The following VIRMA variants were observed in gnomAD, a reference collection of about 807,000 sequenced individuals.
VIRMA encodes protein virilizer homolog.
A neutral mutation model predicts 182.4 loss-of-function variants in VIRMA; 65 were observed. The ratio of observed to expected loss-of-function variants is 0.36; its 90% CI spans 0.29 to 0.44. The LOEUF is 0.44. VIRMA is among the 20% of genes least tolerant of loss of function. VIRMA has a pLI of 1.00. For missense variants in VIRMA, 1,752 were observed against 2,158.1 expected (o/e 0.81, Z 3.73); for synonymous variants, 709 against 743.1 (o/e 0.95, Z 0.75).
chr8:94,522,410 C>T (rs1173355229), intron 8 of VIRMA, among the ~76,000 whole-genome samples: 3 of 152,118 alleles, frequency 2.0e-5, no homozygotes, highest in Non-Finnish European at 4.4e-5. Flanking sequence ...GTATTATATG[C>T]TGAGTTTTGT....
chr8:94,525,869 T>C (rs897073451), intron 8 of VIRMA, among the ~76,000 whole-genome samples: 1 of 152,182 alleles, frequency 6.6e-6, no homozygotes, highest in South Asian at 2.1e-4. Context: ...TAAGTACAGA[T>C]GGGTTCACAC....
chr8:94,504,919 A>G (rs1814103904), intron 16 of VIRMA, among the ~76,000 whole-genome samples: 1 of 152,236 alleles, frequency 6.6e-6, no homozygotes, highest in African/African-American at 2.4e-5. Flanking sequence ...AAAAAGGACC[A>G]GAAACATTAA....
intron 16 of VIRMA, among the ~76,000 whole-genome samples, chr8:94,503,234 G>A (rs1814053452): frequency 6.6e-6 from 1 of 152,198 alleles, no homozygotes; most frequent in African/African-American, 2.4e-5. Flanking sequence ...ATATCTCAAA[G>A]TATAGTCTCC....
intron 8 of VIRMA, among the ~76,000 whole-genome samples, chr8:94,524,929 A>T (rs1207391868): frequency 6.6e-6 from 1 of 152,022 alleles, no homozygotes; most frequent in Non-Finnish European, 1.5e-5. Flanking sequence ...CCTGCTTCTC[A>T]TTTTGTCTTT....
At chr8:94,524,093 G>A (rs1326009272) in intron 8 of VIRMA, among the ~76,000 whole-genome samples, 5 of 152,028 alleles carry the variant, frequency 3.3e-5, no homozygotes, top group East Asian at 3.9e-4. Flanking sequence ...TCTGCCTCCC[G>A]GGTTCAAGCA....
chr8:94,515,746 T>C (rs559886339), intron 10 of VIRMA, among the ~76,000 whole-genome samples: 2 of 152,286 alleles, frequency 1.3e-5, no homozygotes, highest in African/African-American at 4.8e-5. Flanking sequence ...GATGTTTACA[T>C]GCTTAAATAG....
rs1011186173 is a variant in VIRMA, at chr8:94,519,414, C to T, written c.2084G>A (p.Ser695Asn). 1 of 1,534,412 alleles carries T rather than the reference C, an allele frequency of 6.5e-7. No individual in the cohort carries two copies. The highest frequency in any genetic ancestry group is 1.4e-5 in the African/African-American group (1 of 71,962). ...VTLLLSIPVT[S>N]AHPGVLQATK... ...GGCTTGCAGCACACCAGGGTGAGCA[C>T]TTGTTACTGGAATTGACAGAAGCAA... The change falls in exon 9 of 24, where the codon AGT (serine) becomes AAT (asparagine). Residue 695 changes from serine to asparagine, a missense_variant. Ser to Asn is a conservative substitution (Grantham distance 46, BLOSUM62 1). Around this residue, in one of 11 missense-constraint regions of VIRMA, gnomAD observed 401 missense variants for 455.1 expected, o/e 0.88. Transcript: ENST00000297591.
At chr8:94,535,612 G>A (rs191304121) in intron 4 of VIRMA, among the ~76,000 whole-genome samples, 6 of 152,128 alleles carry the variant, frequency 3.9e-5, no homozygotes, top group East Asian at 1.9e-4. Flanking sequence ...GTGAAACCTC[G>A]TCTCTACTAA....
At chr8:94,549,317 T>C (rs1033488698) in intron 1 of VIRMA, among the ~76,000 whole-genome samples, 3 of 152,260 alleles carry the variant, frequency 2.0e-5, no homozygotes, top group Non-Finnish European at 4.4e-5. Context: ...TTCTCTACCA[T>C]ATTACAAATT....
intron 1 of VIRMA, among the ~76,000 whole-genome samples, chr8:94,549,100 CG>C (rs936267144): frequency 3.9e-4 from 60 of 152,304 alleles, no homozygotes; most frequent in African/African-American, 1.1e-3. Flanking sequence ...TTTTCATTCA[CG>C]GGAACACTAT....
At chr8:94,530,391 G>A (rs1258809331) in intron 6 of VIRMA, among the ~76,000 whole-genome samples, 4 of 151,746 alleles carry the variant, frequency 2.6e-5, no homozygotes, top group Non-Finnish European at 5.9e-5. Context: ...TAGCCACTGG[G>A]GAGGATGAGG....
chr8:94,546,225 A>G (rs539155216), intron 1 of VIRMA, among the ~76,000 whole-genome samples: 3 of 151,106 alleles, frequency 2.0e-5, no homozygotes, highest in Non-Finnish European at 4.4e-5. Flanking sequence ...CTGTATCTCC[A>G]TCTAGGACCT....
chr8:94,547,922 T>C (rs1355175776), intron 1 of VIRMA, among the ~76,000 whole-genome samples: 2 of 147,148 alleles, frequency 1.4e-5, no homozygotes, highest in East Asian at 2.0e-4. Context: ...TGTGCACCTA[T>C]AGTCCTAGCT....
chr8:94,492,579 T>C, intron 21 of VIRMA, 73 bp downstream of exon 21: 2 of 1,382,724 alleles, frequency 1.4e-6, no homozygotes, highest in Non-Finnish European at 2.0e-6. Context: ...GCCGCATGTG[T>C]CTATCTTAAA....
At chr8:94,508,447 T>C (rs1259967550) in intron 15 of VIRMA, among the ~76,000 whole-genome samples, 1 of 152,176 alleles carries the variant, frequency 6.6e-6, no homozygotes, top group African/African-American at 2.4e-5. Context: ...ATTACTTCAA[T>C]ATACTGCAAA....
intron 19 of VIRMA, 60 bp downstream of exon 19, chr8:94,495,671 C>T (rs1439801561): frequency 3.4e-6 from 5 of 1,492,098 alleles, no homozygotes; most frequent in Non-Finnish European, 4.6e-6. Flanking sequence ...CTGGCACCCC[C>T]TAGACTACAG....
chr8:94,509,397 A>G (rs1586077333), intron 15 of VIRMA, among the ~76,000 whole-genome samples: 2 of 151,366 alleles, frequency 1.3e-5, no homozygotes, highest in Admixed American at 1.3e-4. Context: ...ATGAGACCCC[A>G]TCTCAAAAAA....
At chr8:94,537,826 A>G (rs10105476) in intron 3 of VIRMA, among the ~76,000 whole-genome samples, 6,062 of 152,246 alleles carry the variant, frequency 0.04, 130 homozygotes, top group Non-Finnish European at 0.05. Context: ...CTAAATAATC[A>G]AAAAAGGGGG....
Position 94,491,847 on chromosome 8 carries a change from C to G in VIRMA, c.4871G>C (p.Arg1624Thr). 1 of 1,613,172 alleles carries G rather than the reference C, an allele frequency of 6.2e-7. No individual in the cohort carries two copies. Among genetic ancestry groups the G allele is most frequent in the Non-Finnish European group, 8.5e-7 (1 of 1,179,462 alleles). Residue 1624 changes from arginine to threonine, a missense_variant, in exon 22 of 24, where the codon AGG becomes ACG. Transcript: ENST00000297591. ...ACCCTGTCCAAATCCTCCCCTGCCC[C>G]TTCCTCTTGGTGGTGGCACAACATG... ...RAHVVPPPRG[R>T]GRGGFGQGIR...
Sources: allele counts gnomAD v4.1 joint callset (sites outside exome capture counted in the v4.1 genomes callset), GRCh38; gene constraint gnomAD v4.1.1; regional missense constraint gnomAD v4.1.1; transcripts MANE v1.5; gene names NCBI Gene and HGNC (gene_info 2026-07-23, HGNC 2026-07-21).